Variants in DLEC1 observed in about 807,000 individuals in gnomAD.
The protein encoded by DLEC1 is DLEC1 cilia and flagella associated protein, also known as deleted in lung and esophageal cancer protein 1.
A neutral mutation model predicts 198.1 loss-of-function variants in DLEC1; 146 were observed. That is an observed-to-expected ratio of 0.74 (90% CI 0.64 to 0.85). The LOEUF (loss-of-function observed/expected upper bound fraction) is 0.85. DLEC1 is among the 40% of genes least tolerant of loss of function. The probability of loss-of-function intolerance (pLI) is 0.00; values close to 1 mark genes in which losing one functional copy is unlikely to be tolerated. For synonymous variants in DLEC1, 897 were observed against 866.8 expected (o/e 1.03, Z -0.61); for missense variants, 2,233 against 2,220.0 (o/e 1.01, Z -0.12).
chr3:38,122,249 C>T (rs1427944600), intron 36 of DLEC1, 40 bp from the exon 37 acceptor site: 10 of 1,608,000 alleles, frequency 6.2e-6, no homozygotes, highest in Non-Finnish European at 8.5e-6. Context: ...ACCCCCTGCC[C>T]AGGTGCCTCC....
intron 2 of DLEC1, among the ~76,000 whole-genome samples, chr3:38,056,658 C>G (rs1696389355): frequency 6.6e-6 from 1 of 152,126 alleles, no homozygotes; most frequent in South Asian, 2.1e-4. Context: ...AAAGTAAAAA[C>G]AGGCTGCTCT....
At chr3:38,051,492 A>G (rs1701116980) in intron 2 of DLEC1, among the ~76,000 whole-genome samples, 1 of 152,240 alleles carries the variant, frequency 6.6e-6, no homozygotes, top group Non-Finnish European at 1.5e-5. Flanking sequence ...GATCTGCCAC[A>G]GGGGAGAGGC....
At chr3:38,098,955 C>T (rs1699170648) in intron 18 of DLEC1, among the ~76,000 whole-genome samples, 1 of 152,160 alleles carries the variant, frequency 6.6e-6, no homozygotes, top group South Asian at 2.1e-4. Flanking sequence ...CACCATGGAT[C>T]CTGAAACCAC....
intron 9 of DLEC1, among the ~76,000 whole-genome samples, chr3:38,087,022 C>T (rs912234982): frequency 6.7e-6 from 1 of 149,796 alleles, no homozygotes; most frequent in Admixed American, 6.7e-5. Context: ...TGCAGTGAGC[C>T]GAGATCGCAC....
chr3:38,071,156 A>G (rs1697296301), intron 6 of DLEC1, among the ~76,000 whole-genome samples: 1 of 152,132 alleles, frequency 6.6e-6, no homozygotes, highest in Non-Finnish European at 1.5e-5. Flanking sequence ...TAGAAGAAAC[A>G]TTTGTTGTAT....
At chr3:38,087,485 C>T (rs946196324) in intron 9 of DLEC1, among the ~76,000 whole-genome samples, 5 of 146,250 alleles carry the variant, frequency 3.4e-5, no homozygotes, top group African/African-American at 5.2e-5. Context: ...CACCATCCAT[C>T]AGCATGCTCA....
chr3:38,084,413 A>AGTGGTGGTG (rs1698266948), intron 7 of DLEC1, among the ~76,000 whole-genome samples, 168 bp downstream of exon 7: 1 of 2,320 alleles, frequency 4.3e-4, no homozygotes, highest in Non-Finnish European at 1.4e-3. Context: ...TGGTGGTGGT[A>AGTGGTGGTG]GTAGTAGTGG....
intron 10 of DLEC1, among the ~76,000 whole-genome samples, chr3:38,089,793 C>G (rs953837853): frequency 1.3e-5 from 2 of 152,120 alleles, no homozygotes; most frequent in African/African-American, 2.4e-5. Context: ...CTTGGCATTT[C>G]TTGCGTATTT....
chr3:38,079,712 CTGG>C (rs1697857525), intron 6 of DLEC1, among the ~76,000 whole-genome samples: 1 of 152,132 alleles, frequency 6.6e-6, no homozygotes, highest in African/African-American at 2.4e-5. Context: ...ATTCCTTGGC[CTGG>C]TGGTCAGATT....
At chr3:38,065,541 T>C (rs1345660591) in intron 6 of DLEC1, among the ~76,000 whole-genome samples, 1 of 152,268 alleles carries the variant, frequency 6.6e-6, no homozygotes, top group Non-Finnish European at 1.5e-5. Flanking sequence ...GTTTTGTCTA[T>C]TACTCCTACA....
chr3:38,104,023 T>A (rs755742065), intron 19 of DLEC1, among the ~76,000 whole-genome samples: 1 of 152,100 alleles, frequency 6.6e-6, no homozygotes, highest in Non-Finnish European at 1.5e-5. Context: ...ATTGGAAAAA[T>A]GACATTGATA....
Position 38,124,018 on chromosome 3 carries a change from A to C in DLEC1, c.*1606A>C, listed in dbSNP as rs1297758429. On this transcript the variant is annotated 3_prime_UTR_variant, in exon 37 of 37. Transcript: ENST00000308059. ...GGAGTGAGATTCCATGTCAAAAAAA[A>C]AAAAAAATGTACATTTTTAAAAGGG... 1.3e-5 allele frequency: 2 copies of C among 152,150 alleles called. No individual in the cohort carries two copies. Among genetic ancestry groups the C allele is most frequent in the Non-Finnish European group, 2.9e-5 (2 of 68,030 alleles). 9.4% of individuals were successfully genotyped at this position (152,150 alleles called of 1,614,324 possible). A position where few individuals can be genotyped will look rare whatever the true frequency, so the allele number is the denominator to read the frequency against.
intron 6 of DLEC1, among the ~76,000 whole-genome samples, chr3:38,082,860 C>T (rs1165393438): frequency 2.6e-5 from 4 of 152,162 alleles, no homozygotes; most frequent in Admixed American, 1.3e-4. Flanking sequence ...ACCTTTGAAA[C>T]GTGGGTGAAT....
chr3:38,053,000 C>T (rs1025279958), intron 2 of DLEC1, among the ~76,000 whole-genome samples: 6 of 152,190 alleles, frequency 3.9e-5, no homozygotes, highest in Admixed American at 6.5e-5. Context: ...CTGTGTTGGC[C>T]GGGCTGGTCT....
intron 21 of DLEC1, 79 bp downstream of exon 21, chr3:38,108,594 C>T: frequency 8.9e-7 from 1 of 1,129,526 alleles, no homozygotes; most frequent in Non-Finnish European, 1.3e-6. Context: ...CAGGGAGGCC[C>T]TAGCTTAGGC....
At chr3:38,119,104 A>C (rs1322925483) in intron 33 of DLEC1, among the ~76,000 whole-genome samples, 1 of 152,228 alleles carries the variant, frequency 6.6e-6, no homozygotes, top group Non-Finnish European at 1.5e-5. Context: ...GTTAGCCACC[A>C]GGCATTTAAA....
At position 38,079,373 on chromosome 3, in the gene DLEC1, T is replaced by C. The variant is rs9811755; in HGVS notation, c.1174-4785T>C. Reference sequence around the variant, plus strand: ...CCTGGCTGTCAATACCCACAACAGTTATGGAGGCAAGGGAAACAGGCCCTT... The same window carrying C: ...CCTGGCTGTCAATACCCACAACAGTCATGGAGGCAAGGGAAACAGGCCCTT... On this transcript the variant is annotated intron_variant, in intron 6 of 36. Coordinates refer to ENST00000308059, the MANE Select transcript of DLEC1 (RefSeq NM_007335.4). Among the ~76,000 whole-genome samples the C allele has an allele frequency of 6.0e-3, 910 of 152,184 alleles. 9 individuals are homozygous for C. The highest frequency in any genetic ancestry group is 0.021 in the African/African-American group (867 of 41,498).
At chr3:38,111,653 A>C in intron 23 of DLEC1, 24 bp from the exon 24 acceptor site, 1 of 1,609,534 alleles carries the variant, frequency 6.2e-7, no homozygotes, top group Non-Finnish European at 8.5e-7. Flanking sequence ...ACTTGATACT[A>C]TTTCTGTGTC....
At position 38,066,044 on chromosome 3, in the gene DLEC1, T is replaced by C. The variant is rs189510065; in HGVS notation, c.1173+2125T>C. Among the ~76,000 whole-genome samples, 47 of 152,374 alleles carry C rather than the reference T, an allele frequency of 3.1e-4. 1 individual carries two copies. In the East Asian group the frequency reaches 8.9e-3, roughly 29 times the overall value. ...GATTTGATGAGATTCAAGTTCCATT[T>C]TTCCTCTTTTTTGACAAGAATACTT... On this transcript the variant is annotated intron_variant, in intron 6 of 36. Coordinates refer to ENST00000308059, the MANE Select transcript of DLEC1 (RefSeq NM_007335.4).
Sources: gnomAD v4.1 joint callset for allele counts (sites outside exome capture counted in the v4.1 genomes callset) on GRCh38, gnomAD v4.1.1 for gene constraint, MANE v1.5 for transcripts, NCBI Gene and HGNC (gene_info 2026-07-23, HGNC 2026-07-21) for gene names.